The following MAML1 variants were observed in gnomAD, a reference collection of about 807,000 sequenced individuals.
MAML1 encodes the protein mastermind-like protein 1.
MAML1 carries 14 observed loss-of-function variants against 77.1 expected under a neutral mutation model. The ratio of observed to expected loss-of-function variants is 0.18; its 90% CI spans 0.12 to 0.28. The LOEUF (loss-of-function observed/expected upper bound fraction) is 0.28. MAML1 is among the 10% of genes least tolerant of loss of function. The pLI, the probability that MAML1 is intolerant of heterozygous loss-of-function variation, is 1.00. For synonymous variants in MAML1, 516 were observed against 551.9 expected (o/e 0.93, Z 0.91); for missense variants, 1,217 against 1,327.8 (o/e 0.92, Z 1.30).
chr5:179,753,232 C>T (rs954683202), intron 1 of MAML1, among the ~76,000 whole-genome samples: 20 of 147,682 alleles, frequency 1.4e-4, no homozygotes, highest in East Asian at 6.0e-4. Context: ...TGCGCGCGCG[C>T]GCGCGCGTGC....
At chr5:179,741,683 C>CAAAA (rs10617185) in intron 1 of MAML1, among the ~76,000 whole-genome samples, 4 of 89,272 alleles carry the variant, frequency 4.5e-5, no homozygotes, top group African/African-American at 1.3e-4. Flanking sequence ...GAGACTGTCT[C>CAAAA]AAAAAAAAAA....
chr5:179,745,835 G>A (rs1287886094), intron 1 of MAML1, among the ~76,000 whole-genome samples: 3 of 122,152 alleles, frequency 2.5e-5, no homozygotes, highest in Non-Finnish European at 4.8e-5. Flanking sequence ...ACTCCAGCCT[G>A]AGCGACAGAG....
intron 1 of MAML1, among the ~76,000 whole-genome samples, chr5:179,734,637 C>G (rs922032416): frequency 6.6e-6 from 1 of 152,110 alleles, no homozygotes; most frequent in Admixed American, 6.6e-5. Flanking sequence ...TATTATCGCC[C>G]CGTGTTCTTT....
chr5:179,756,317 C>G (rs1779615195), intron 1 of MAML1, among the ~76,000 whole-genome samples: 1 of 150,878 alleles, frequency 6.6e-6, no homozygotes, highest in South Asian at 2.1e-4. Flanking sequence ...CCCAGCTGCT[C>G]GGGAGGCTGA....
chr5:179,767,118 T>A (rs574751774), intron 2 of MAML1, among the ~76,000 whole-genome samples: 90 of 128,616 alleles, frequency 7.0e-4, no homozygotes, highest in African/African-American at 2.5e-3. Context: ...TTTTTTTTTT[T>A]ACTACCTTTC....
rs751826495 is a variant in MAML1 at position 179,768,931 on chromosome 5, T to C, written c.1813T>C (p.Ser605Pro). Residue 605 changes from serine (S) to proline (P), a missense_variant, in exon 3 of 5, where the codon TCC becomes CCC. This residue lies in a region of MAML1 where 884 missense variants were observed against 949.3 expected (regional missense o/e 0.93). Coordinates refer to ENST00000292599, the MANE Select transcript of MAML1 (RefSeq NM_014757.5). ...TQPPAVSVAS[S>P]HNSSPYLSSQ... ...GCCGCCTGCCGTGTCCGTGGCCAGC[T>C]CCCACAACAGCTCCCCCTATCTCAG... is the stretch of plus-strand genomic sequence containing the variant. The C allele has an allele frequency of 1.2e-6, 2 of 1,614,072 alleles. No homozygotes were observed. The highest frequency in any genetic ancestry group is 3.3e-5 in the Admixed American group (2 of 60,006).
At chr5:179,752,641 C>T (rs1342488654) in intron 1 of MAML1, among the ~76,000 whole-genome samples, 1 of 117,526 alleles carries the variant, frequency 8.5e-6, no homozygotes, top group Non-Finnish European at 1.6e-5. Context: ...GAATCTCGCT[C>T]TGTCGCCCAG....
Position 179,775,667 on chromosome 5 carries a change from T to C in MAML1, c.*790T>C, listed in dbSNP as rs941319092. On this transcript the variant is annotated 3_prime_UTR_variant, in exon 5 of 5. Coordinates refer to ENST00000292599, the MANE Select transcript of MAML1 (RefSeq NM_014757.5). Reference sequence around the variant, plus strand: ...AGGACCCCAGGCTACATATGGAAGGTAGAGATGTGGGGGTCCTGTATCCTG... The same window carrying C: ...AGGACCCCAGGCTACATATGGAAGGCAGAGATGTGGGGGTCCTGTATCCTG... 9.1e-5 allele frequency: 90 copies of C among 985,276 alleles called. No individual in the cohort carries two copies. The highest frequency in any genetic ancestry group is 1.1e-4 in the Non-Finnish European group (89 of 829,930). 61.0% of individuals were successfully genotyped at this position (985,276 alleles called of 1,614,324 possible). A position where few individuals can be genotyped will look rare whatever the true frequency, so the allele number is the denominator to read the frequency against.
chr5:179,768,973 G>A lies in MAML1; in HGVS notation c.1855G>A (p.Ala619Thr), dbSNP rs145351826. ...CTATCTCAGCAGCCAGCAACAGGCCGCTGTAATGAAGCAGCATCAGTTGCT... is the reference window on the plus strand; with the variant it reads ...CTATCTCAGCAGCCAGCAACAGGCCACTGTAATGAAGCAGCATCAGTTGCT... ...SPYLSSQQQA[A>T]VMKQHQLLLD... The change falls in exon 3 of 5, where the codon GCT becomes ACT. Residue 619 changes from alanine to threonine, a missense_variant. Coordinates refer to ENST00000292599, the MANE Select transcript of MAML1 (RefSeq NM_014757.5). The A allele has an allele frequency of 2.2e-5, 36 of 1,614,082 alleles. No individual in the cohort carries two copies. Among genetic ancestry groups the A allele is most frequent in the East Asian group, 4.5e-5 (2 of 44,904 alleles).
intron 3 of MAML1, chr5:179,770,886 C>T: frequency 2.7e-6 from 1 of 377,304 alleles, no homozygotes; most frequent in Non-Finnish European, 5.1e-6. Context: ...AGTGGGATCT[C>T]ATTGTAGCTG....
chr5:179,774,739 T>A lies in MAML1; in HGVS notation c.2913T>A (p.Pro971=), dbSNP rs1581951367. The change falls in exon 5 of 5, where the codon CCT becomes CCA. Residue 971 remains proline (P), a synonymous_variant. Coordinates refer to ENST00000292599, the MANE Select transcript of MAML1 (RefSeq NM_014757.5). The part of the protein sequence containing the change: ...YPVRTAGQEL[P]FAYSGQPGGS... Reference sequence around the variant, plus strand: ...TGCGGACCGCGGGCCAGGAGCTGCCTTTTGCCTATAGCGGGCAGCCAGGTG... The same window carrying A: ...TGCGGACCGCGGGCCAGGAGCTGCCATTTGCCTATAGCGGGCAGCCAGGTG... 1 of 1,612,510 alleles carries A rather than the reference T, an allele frequency of 6.2e-7. No individual in the cohort carries two copies. The highest frequency in any genetic ancestry group is 2.2e-5 in the East Asian group (1 of 44,876).
intron 1 of MAML1, among the ~76,000 whole-genome samples, chr5:179,745,627 G>C (rs953762320): frequency 6.6e-6 from 1 of 151,678 alleles, no homozygotes; most frequent in Non-Finnish European, 1.5e-5. Context: ...TTGGGAGGCC[G>C]AGGCGGGCAG....
At chr5:179,761,963 A>C (rs931012273) in intron 1 of MAML1, among the ~76,000 whole-genome samples, 1 of 152,110 alleles carries the variant, frequency 6.6e-6, no homozygotes, top group Non-Finnish European at 1.5e-5. Context: ...AGTTTGGCTG[A>C]CAGGAAGATG....
chr5:179,735,884 C>A (rs150951825), intron 1 of MAML1, among the ~76,000 whole-genome samples: 1 of 151,712 alleles, frequency 6.6e-6, no homozygotes, highest in African/African-American at 2.4e-5. Flanking sequence ...GACAGGGTTT[C>A]TCCTTGTTGG....
chr5:179,761,278 C>T (rs1423662422), intron 1 of MAML1, among the ~76,000 whole-genome samples: 1 of 152,092 alleles, frequency 6.6e-6, no homozygotes, highest in Non-Finnish European at 1.5e-5. Flanking sequence ...CCTGTGGTCC[C>T]AGCTACTCAG....
intron 1 of MAML1, among the ~76,000 whole-genome samples, chr5:179,754,438 T>TA (rs1350398521): frequency 1.3e-5 from 2 of 151,778 alleles, no homozygotes; most frequent in Non-Finnish European, 2.9e-5. Context: ...ATTTGAATAG[T>TA]AAAAAATTAG....
intron 1 of MAML1, among the ~76,000 whole-genome samples, chr5:179,764,213 T>G (rs1177278831): frequency 1.3e-5 from 2 of 152,154 alleles, no homozygotes; most frequent in South Asian, 2.1e-4. Context: ...GGAGCTGTCT[T>G]CTTTGTCTTT....
chr5:179,753,184 A>AGTGTGTGTGTGTGTGT (rs59680995), intron 1 of MAML1, among the ~76,000 whole-genome samples: 1 of 120,510 alleles, frequency 8.3e-6, no homozygotes, highest in African/African-American at 2.8e-5. Flanking sequence ...GCTATTTTTT[A>AGTGTGTGTGTGTGTGT]GTGTGTGTGT....
At chr5:179,768,650 A>G (rs1036470801) in intron 2 of MAML1, among the ~76,000 whole-genome samples, 200 bp from the exon 3 acceptor site, 1 of 152,192 alleles carries the variant, frequency 6.6e-6, no homozygotes, top group African/African-American at 2.4e-5. Context: ...CTATGGAGTA[A>G]TTGTTCGTTG....
Sources: allele counts gnomAD v4.1 joint callset (sites outside exome capture counted in the v4.1 genomes callset), GRCh38; gene constraint gnomAD v4.1.1; regional missense constraint gnomAD v4.1.1; transcripts MANE v1.5; gene names NCBI Gene and HGNC (gene_info 2026-07-23, HGNC 2026-07-21).